The following PLD5 variants were observed in gnomAD, a reference collection of about 807,000 sequenced individuals.
PLD5 encodes phospholipase D family member 5.
In PLD5, 36 loss-of-function variants were observed where a neutral mutation model predicts 61.1. The ratio of observed to expected loss-of-function variants is 0.59; its 90% CI spans 0.45 to 0.78. The LOEUF is 0.78. Ranked by LOEUF, PLD5 falls within the 30% of genes least tolerant of loss-of-function variation. The probability of loss-of-function intolerance (pLI) is 0.00; values close to 1 mark genes in which losing one functional copy is unlikely to be tolerated. For missense variants in PLD5, 515 were observed against 644.4 expected, an observed-to-expected ratio of 0.80 and a Z score of 2.17; for synonymous variants, 243 against 242.8, an observed-to-expected ratio of 1.00 and a Z score of -0.01.
chr1:242,131,611 C>T (rs1395533470), intron 5 of PLD5, among the ~76,000 whole-genome samples: 1 of 152,130 alleles, frequency 6.6e-6, no homozygotes, highest in Non-Finnish European at 1.5e-5. Flanking sequence ...TTCAAGAAAG[C>T]TGATACAAGA....
intron 5 of PLD5, among the ~76,000 whole-genome samples, chr1:242,190,299 C>G (rs538488413): frequency 6.6e-6 from 1 of 151,998 alleles, no homozygotes; most frequent in African/African-American, 2.4e-5. Context: ...GCACCTGCCA[C>G]CACGCCCGGC....
At chr1:242,174,068 A>C (rs1666952161) in intron 5 of PLD5, among the ~76,000 whole-genome samples, 1 of 152,226 alleles carries the variant, frequency 6.6e-6, no homozygotes, top group Admixed American at 6.5e-5. Context: ...TAAACTAAAG[A>C]GCTTCTGCAC....
chr1:242,525,424 G>A (rs1238551936), upstream of PLD5, among the ~76,000 whole-genome samples: 1 of 152,210 alleles, frequency 6.6e-6, no homozygotes, highest in Non-Finnish European at 1.5e-5. Flanking sequence ...CTGTGCATTT[G>A]TTTCTTTTCT....
At chr1:242,092,223 C>G (rs969568064) in intron 9 of PLD5, among the ~76,000 whole-genome samples, 1 of 152,054 alleles carries the variant, frequency 6.6e-6, no homozygotes, top group Non-Finnish European at 1.5e-5. Context: ...AACTCTTGAG[C>G]TCAAGCGATT....
intron 3 of PLD5, among the ~76,000 whole-genome samples, chr1:242,278,520 T>C (rs1181313031): frequency 6.6e-6 from 1 of 152,152 alleles, no homozygotes; most frequent in Non-Finnish European, 1.5e-5. Flanking sequence ...AATGGCAGCA[T>C]GAAGCAGCAG....
chr1:242,230,859 T>G (rs1671254622), intron 4 of PLD5, among the ~76,000 whole-genome samples: 1 of 152,210 alleles, frequency 6.6e-6, no homozygotes, highest in Admixed American at 6.5e-5. Flanking sequence ...CAAGGGTGGT[T>G]TCTAAGAGTT....
chr1:242,345,321 A>C (rs1436611231), intron 2 of PLD5, among the ~76,000 whole-genome samples: 3 of 152,196 alleles, frequency 2.0e-5, no homozygotes, highest in Admixed American at 1.3e-4. Flanking sequence ...TTAAATTCAG[A>C]TCTTCCTAAT....
At chr1:242,116,539 A>G (rs913662957) in intron 6 of PLD5, among the ~76,000 whole-genome samples, 2 of 152,176 alleles carry the variant, frequency 1.3e-5, no homozygotes, top group African/African-American at 4.8e-5. Context: ...ATAGTACTCA[A>G]TAGTTTATCC....
At chr1:242,506,961 C>T (rs1386678712) in intron 1 of PLD5, among the ~76,000 whole-genome samples, 1 of 152,154 alleles carries the variant, frequency 6.6e-6, no homozygotes, top group Admixed American at 6.5e-5. Context: ...GCGGGAGCCA[C>T]CACCACCGTC....
chr1:242,216,571 A>G (rs1036239683), intron 5 of PLD5, among the ~76,000 whole-genome samples: 2 of 152,092 alleles, frequency 1.3e-5, no homozygotes, highest in African/African-American at 2.4e-5. Context: ...ATTACCCTCT[A>G]GTGTTGTTTA....
intron 1 of PLD5, among the ~76,000 whole-genome samples, chr1:242,393,261 T>A (rs1228889573): frequency 1.2e-4 from 7 of 58,614 alleles, no homozygotes; most frequent in Non-Finnish European, 1.8e-4. Flanking sequence ...TATATATATG[T>A]GTATATATAT....
rs1227282165 is a variant in PLD5, at chr1:242,524,389, A to T, written c.-113T>A. Reference sequence around the variant, plus strand: ...GCGGGAGCCGGAGGTGGAGCTGGAGACTGAGCTGGAGGAGCTGGAGGAGCG... The same window carrying T: ...GCGGGAGCCGGAGGTGGAGCTGGAGTCTGAGCTGGAGGAGCTGGAGGAGCG... On this transcript the variant is annotated 5_prime_UTR_variant, in exon 1 of 10. Coordinates refer to ENST00000536534, the MANE Select transcript of PLD5 (RefSeq NM_001372062.1). 1.0e-5 allele frequency: 11 copies of T among 1,087,786 alleles called. No individual in the cohort carries two copies. The highest frequency in any genetic ancestry group is 6.0e-6 in the Non-Finnish European group (5 of 831,948). 67.4% of individuals were successfully genotyped at this position (1,087,786 alleles called of 1,614,324 possible).
At chr1:242,275,236 C>G (rs61845534) in intron 3 of PLD5, among the ~76,000 whole-genome samples, 6,998 of 150,182 alleles carry the variant, frequency 0.047, 194 homozygotes, top group Non-Finnish European at 0.069. Flanking sequence ...AATTTATGAC[C>G]TAAGAGGAAA....
intron 1 of PLD5, among the ~76,000 whole-genome samples, chr1:242,389,951 T>C (rs190368223): frequency 1.3e-3 from 202 of 152,026 alleles, no homozygotes; most frequent in African/African-American, 4.7e-3. Flanking sequence ...ACTCCACTAT[T>C]TACTATTGCC....
At chr1:242,210,537 T>TTAACTGATGA (rs1669741848) in intron 5 of PLD5, 1 of 153,266 alleles carries the variant, frequency 6.5e-6, no homozygotes, top group South Asian at 2.1e-4. Flanking sequence ...GGTCCTTGCC[T>TTAACTGATGA]TAACTGATGA....
intron 2 of PLD5, among the ~76,000 whole-genome samples, chr1:242,328,275 T>C (rs957309725): frequency 6.6e-6 from 1 of 151,854 alleles, no homozygotes; most frequent in Non-Finnish European, 1.5e-5. Context: ...CACACACATA[T>C]ATATTATATA....
intron 5 of PLD5, among the ~76,000 whole-genome samples, chr1:242,192,731 G>A (rs1343320488): frequency 6.6e-6 from 1 of 151,908 alleles, no homozygotes; most frequent in Non-Finnish European, 1.5e-5. Flanking sequence ...AAGTATTGAA[G>A]ATGTTGAAGT....
intron 5 of PLD5, among the ~76,000 whole-genome samples, chr1:242,163,534 A>C (rs1249130811): frequency 1.3e-5 from 2 of 152,158 alleles, no homozygotes; most frequent in Non-Finnish European, 2.9e-5. Flanking sequence ...CAAGAGAGGG[A>C]CGGAAGGAAA....
At chr1:242,180,256 T>C (rs1667437965) in intron 5 of PLD5, among the ~76,000 whole-genome samples, 1 of 152,058 alleles carries the variant, frequency 6.6e-6, no homozygotes, top group African/African-American at 2.4e-5. Context: ...AGAGAAAATA[T>C]GTGTAAAATA....
Sources: gnomAD v4.1 joint callset for allele counts (sites outside exome capture counted in the v4.1 genomes callset) on GRCh38, gnomAD v4.1.1 for gene constraint, MANE v1.5 for transcripts, NCBI Gene and HGNC (gene_info 2026-07-23, HGNC 2026-07-21) for gene names.